VAC14: variants seen among roughly 807,000 people sequenced by gnomAD.
VAC14 encodes the protein VAC14 component of PIKFYVE complex, also known as protein VAC14 homolog.
In VAC14, 47 loss-of-function variants were observed where a neutral mutation model predicts 85.3. The ratio of observed to expected loss-of-function variants is 0.55; its 90% confidence interval spans 0.44 to 0.70. The LOEUF is 0.70. VAC14 is among the 30% of genes least tolerant of loss of function. VAC14 has a pLI of 0.00. For missense variants in VAC14, 861 were observed against 1,004.3 expected (o/e 0.86, Z 1.93); for synonymous variants, 447 against 430.5 (o/e 1.04, Z -0.47).
At chr16:70,761,016 T>TGTGTGTGTGTGTGTGTGTGCGTGC (rs1413571677) in intron 12 of VAC14, 1 of 300,870 alleles carries the variant, frequency 3.3e-6, no homozygotes, top group African/African-American at 4.2e-5. Context: ...TGTGTGTGTG[T>TGTGTGTGTGTGTGTGTGTGCGTGC]GTGCATGGGG....
intron 14 of VAC14, chr16:70,715,935 T>A (rs937211380): frequency 6.6e-6 from 1 of 152,242 alleles, no homozygotes; most frequent in Non-Finnish European, 1.5e-5. Flanking sequence ...AGGTCACAAA[T>A]GCGCTGGCTC....
intron 12 of VAC14, among the ~76,000 whole-genome samples, chr16:70,751,680 A>T (rs1459333611): frequency 6.6e-6 from 1 of 152,170 alleles, no homozygotes; most frequent in Non-Finnish European, 1.5e-5. Flanking sequence ...AGCACACCCT[A>T]GGAAGCCGGG....
rs1555523464 is a variant in VAC14 at position 70,762,100 on chromosome 16, GTT to G, written c.1371+438_1371+439del. Among the ~76,000 whole-genome samples, 2 of 104,104 alleles carry G rather than the reference GTT, an allele frequency of 1.9e-5. No homozygotes were observed. Among genetic ancestry groups the G allele is most frequent in the African/African-American group, 1.3e-4 (2 of 15,898 alleles). The allele number at this position is 104,104 out of a possible 152,430, so 68.3% of individuals were successfully genotyped here. On this transcript the variant is annotated intron_variant, in intron 12 of 18. Transcript: ENST00000261776. This position sits in a 1 kb window ranked among gnomAD's most constrained non-coding sequence, Gnocchi z 4.1. The stretch of plus-strand genomic sequence containing the variant: ...AGAAGAGTCCTCACTCCTAAAGTGA[GTT>G]TTTTTTTTTGTTTTTGTTTTTTTGA...
chr16:70,729,770 G>A (rs2054535844), intron 14 of VAC14, among the ~76,000 whole-genome samples: 5 of 152,002 alleles, frequency 3.3e-5, no homozygotes, highest in African/African-American at 9.7e-5. Flanking sequence ...AGCTCCACAA[G>A]TGCAGAACCA....
chr16:70,692,157 C>A, intron 18 of VAC14: 1 of 932,554 alleles, frequency 1.1e-6, no homozygotes, highest in African/African-American at 1.8e-5. Context: ...GGGTAGGGGC[C>A]AGCCGTGGGT....
At chr16:70,756,243 A>G (rs2031845978) in intron 12 of VAC14, among the ~76,000 whole-genome samples, 1 of 152,168 alleles carries the variant, frequency 6.6e-6, no homozygotes, top group Non-Finnish European at 1.5e-5. Context: ...CTGAGGCTCC[A>G]GGCAGGCGTG....
At chr16:70,759,600 C>G (rs554497489) in intron 12 of VAC14, among the ~76,000 whole-genome samples, 34 of 152,232 alleles carry the variant, frequency 2.2e-4, no homozygotes, top group African/African-American at 8.2e-4. Flanking sequence ...CGCACTCTAG[C>G]CTGGGCGAGA....
intron 12 of VAC14, among the ~76,000 whole-genome samples, chr16:70,753,769 G>C (rs1363865715): frequency 6.6e-6 from 1 of 152,202 alleles, no homozygotes; most frequent in Admixed American, 6.5e-5. Flanking sequence ...GACAGTCCTG[G>C]TTTAGATGGC....
At chr16:70,771,872 T>C (rs1326269197) in intron 10 of VAC14, 4 of 504,092 alleles carry the variant, frequency 7.9e-6, no homozygotes, top group African/African-American at 3.9e-5. Flanking sequence ...TAAGCCACCA[T>C]GTCTGGCCCC....
At chr16:70,710,598 A>G (rs2054012346) in intron 14 of VAC14, among the ~76,000 whole-genome samples, 1 of 152,294 alleles carries the variant, frequency 6.6e-6, no homozygotes, top group Middle Eastern at 3.4e-3. Flanking sequence ...GACGATTCCC[A>G]AACTAGTCCC....
At chr16:70,691,238 ACC>A (rs1442472434) in intron 18 of VAC14, 1 of 985,136 alleles carries the variant, frequency 1.0e-6, no homozygotes, top group East Asian at 1.1e-4. Context: ...GCACTCGGAG[ACC>A]CGGGAGAGGC....
chr16:70,744,669 C>CT, intron 12 of VAC14, 90 bp from the exon 13 acceptor site: 1 of 1,463,608 alleles, frequency 6.8e-7, no homozygotes, highest in South Asian at 1.4e-5. Context: ...ACACAGCCAC[C>CT]TGCAGGGGTG....
rs1292966020 is a variant in VAC14 at position 70,784,053 on chromosome 16, TGC to T, written c.594+58_594+59del. The T allele has an allele frequency of 1.6e-5, 22 of 1,389,152 alleles. No homozygotes were observed. In the East Asian group the frequency reaches 4.6e-4, roughly 29 times the overall value. 86.1% of individuals were successfully genotyped at this position (1,389,152 alleles called of 1,614,324 possible). A position where few individuals can be genotyped will look rare whatever the true frequency, so the allele number is the denominator to read the frequency against. On this transcript the variant is annotated intron_variant, in intron 5 of 18. Coordinates refer to ENST00000261776, the MANE Select transcript of VAC14 (RefSeq NM_018052.5). ...ATAGCCAAAGGGCCTGACAAGAGTG[TGC>T]TAGAGAGCAGATTTTCCAAACTGGA...
intron 18 of VAC14, chr16:70,691,674 G>A: frequency 3.0e-6 from 3 of 985,458 alleles, no homozygotes; most frequent in Non-Finnish European, 3.6e-6. Flanking sequence ...GGGAAATGGG[G>A]CAGGGAAGGC....
intron 10 of VAC14, chr16:70,766,603 G>A (rs748334260): frequency 2.2e-6 from 1 of 452,280 alleles, no homozygotes; most frequent in South Asian, 1.6e-5. Context: ...AGGTCCAGAG[G>A]CAGTACGGGA....
intron 18 of VAC14, chr16:70,689,336 G>A (rs528802909): frequency 1.5e-5 from 15 of 985,450 alleles, no homozygotes; most frequent in East Asian, 1.1e-4. Flanking sequence ...GAGGCCAGCC[G>A]GGGCCCAGCA....
In VAC14 at chr16:70,687,726, G is replaced by T; in HGVS notation, c.*202C>A. On this transcript the variant is annotated 3_prime_UTR_variant, in exon 19 of 19. Coordinates refer to ENST00000261776, the MANE Select transcript of VAC14 (RefSeq NM_018052.5). ...GCCAGCTCTGTGAGAATGCCAGGGT[G>T]CAGCTGACAGCGCTGGAGGCCTGGG... is the stretch of plus-strand genomic sequence containing the variant. 2.1e-6 allele frequency: 1 copy of T among 474,116 alleles called. No individual in the cohort carries two copies. Among genetic ancestry groups the T allele is most frequent in the Non-Finnish European group, 3.4e-6 (1 of 295,150 alleles). 29.4% of individuals were successfully genotyped at this position (474,116 alleles called of 1,614,324 possible).
At chr16:70,692,462 A>G (rs2053615149) in intron 18 of VAC14, among the ~76,000 whole-genome samples, 1 of 152,026 alleles carries the variant, frequency 6.6e-6, no homozygotes, top group Admixed American at 6.6e-5. Flanking sequence ...CTGGGGCAGG[A>G]ACTCCTCCCC....
intron 10 of VAC14, chr16:70,766,556 G>C (rs1246100771): frequency 2.2e-6 from 1 of 456,744 alleles, no homozygotes; most frequent in Non-Finnish European, 4.4e-6. Flanking sequence ...TCATGGTTCA[G>C]GTAACACAAT....
Sources: allele counts gnomAD v4.1 joint callset (sites outside exome capture counted in the v4.1 genomes callset), GRCh38; gene constraint gnomAD v4.1.1; non-coding constraint Gnocchi (gnomAD v3.1); transcripts MANE v1.5; gene names NCBI Gene and HGNC (gene_info 2026-07-23, HGNC 2026-07-21).